Variants in SPON1 observed in about 807,000 individuals in gnomAD.
SPON1 encodes the protein spondin 1.
SPON1 carries 52 observed loss-of-function variants against 111.7 expected under a neutral mutation model. The observed-to-expected ratio is 0.47, with a 90% CI of 0.37 to 0.59. The LOEUF (loss-of-function observed/expected upper bound fraction) is 0.59. Ranked by LOEUF, SPON1 falls within the 20% of genes least tolerant of loss-of-function variation. SPON1 has a pLI of 0.00. For synonymous variants in SPON1, 410 were observed against 395.8 expected (o/e 1.04, Z -0.43); for missense variants, 957 against 1,068.5 (o/e 0.90, Z 1.46).
chr11:14,029,756 AG>A lies in SPON1; in HGVS notation c.346-11763del, dbSNP rs1425473224. On this transcript the variant is annotated intron_variant, in intron 2 of 15. Transcript: ENST00000576479. ...GGTTTTTCAGCCTTCAGGCTGTTTTAGGTTTAAATATGGAGTTTTGCTGGGG... is the reference window on the plus strand; with the variant it reads ...GGTTTTTCAGCCTTCAGGCTGTTTTAGTTTAAATATGGAGTTTTGCTGGGG... 5.9e-5 allele frequency among the ~76,000 whole-genome samples: 9 copies of A among 152,252 alleles called. No homozygotes were observed. In the East Asian group the frequency reaches 1.5e-3, roughly 26 times the overall value.
intron 1 of SPON1, among the ~76,000 whole-genome samples, chr11:13,963,940 C>A (rs1392770331): frequency 6.6e-6 from 1 of 152,206 alleles, no homozygotes; most frequent in East Asian, 1.9e-4. Context: ...GGAACCTTGG[C>A]TCCGGCAGCT....
intron 6 of SPON1, among the ~76,000 whole-genome samples, chr11:14,162,231 T>C (rs1241527107): frequency 6.6e-6 from 1 of 151,704 alleles, no homozygotes; most frequent in Admixed American, 6.6e-5. Flanking sequence ...CTAACCCATG[T>C]ATATTACACA....
intron 1 of SPON1, among the ~76,000 whole-genome samples, chr11:13,981,340 T>G (rs1848142620): frequency 6.6e-6 from 1 of 152,174 alleles, no homozygotes; most frequent in South Asian, 2.1e-4. Flanking sequence ...TTGTTTTTGT[T>G]TTTTGAGATG....
chr11:14,062,158 C>G (rs140833899), intron 3 of SPON1, among the ~76,000 whole-genome samples: 1 of 152,142 alleles, frequency 6.6e-6, no homozygotes, highest in Admixed American at 6.6e-5. Context: ...TTGACTGACA[C>G]TTATTTTTCC....
intron 5 of SPON1, among the ~76,000 whole-genome samples, chr11:14,113,286 C>T (rs1283560642): frequency 6.6e-6 from 1 of 152,214 alleles, no homozygotes; most frequent in Non-Finnish European, 1.5e-5. Flanking sequence ...TTCACCAGAG[C>T]TCCAGGGACA....
At chr11:14,142,619 G>A (rs1847669508) in intron 6 of SPON1, among the ~76,000 whole-genome samples, 2 of 152,198 alleles carry the variant, frequency 1.3e-5, no homozygotes, top group South Asian at 4.1e-4. Context: ...GCTCGCTGGA[G>A]CTAGTTCGAT....
At chr11:14,243,600 AATGGCTTTAATACCACAGCCAGATGTG>A (rs1554939958) in intron 7 of SPON1, among the ~76,000 whole-genome samples, 1 of 152,110 alleles carries the variant, frequency 6.6e-6, no homozygotes, top group East Asian at 1.9e-4. Context: ...GTTTTCCCCC[AATGGCTTTAATACCACAGCCAGATGTG>A]ATGGCTTTAA....
chr11:14,013,347 C>G (rs1285699138), intron 2 of SPON1, among the ~76,000 whole-genome samples: 1 of 152,116 alleles, frequency 6.6e-6, no homozygotes, highest in African/African-American at 2.4e-5. Flanking sequence ...TACTCCACTT[C>G]CATTTGGTCA....
At chr11:13,991,087 T>G (rs943529934) in intron 2 of SPON1, among the ~76,000 whole-genome samples, 1 of 152,256 alleles carries the variant, frequency 6.6e-6, no homozygotes, top group Admixed American at 6.5e-5. Flanking sequence ...CTTTGTGGTG[T>G]TCTCTGTATT....
intron 3 of SPON1, among the ~76,000 whole-genome samples, chr11:14,058,515 G>A (rs768635260): frequency 3.9e-5 from 6 of 152,052 alleles, no homozygotes; most frequent in South Asian, 4.2e-4. Flanking sequence ...GGGAAGCAGC[G>A]GAAACAGTGT....
At chr11:14,164,278 A>G (rs1280253963) in intron 6 of SPON1, among the ~76,000 whole-genome samples, 2 of 152,212 alleles carry the variant, frequency 1.3e-5, no homozygotes, top group African/African-American at 4.8e-5. Context: ...TGCATCTAAC[A>G]TGTATCCCAG....
intron 6 of SPON1, among the ~76,000 whole-genome samples, chr11:14,209,413 C>G (rs782437601): frequency 1.3e-5 from 2 of 152,006 alleles, no homozygotes; most frequent in African/African-American, 2.4e-5. Flanking sequence ...CCTCCCCTAG[C>G]CCCCCACACC....
intron 3 of SPON1, among the ~76,000 whole-genome samples, chr11:14,050,202 CTG>C (rs1848698152): frequency 6.6e-6 from 1 of 152,212 alleles, no homozygotes; most frequent in Non-Finnish European, 1.5e-5. Flanking sequence ...ATGTCTAACT[CTG>C]TATATTTCTA....
At chr11:14,088,150 T>C (rs1849021528) in intron 5 of SPON1, among the ~76,000 whole-genome samples, 1 of 152,230 alleles carries the variant, frequency 6.6e-6, no homozygotes, top group Admixed American at 6.5e-5. Flanking sequence ...AATATTGTTA[T>C]GTGTGAGTTT....
chr11:14,244,626 T>C (rs1848967657), intron 7 of SPON1, among the ~76,000 whole-genome samples: 1 of 151,848 alleles, frequency 6.6e-6, no homozygotes, highest in Admixed American at 6.6e-5. Flanking sequence ...CGCATGCCTG[T>C]AGTCCCACCT....
intron 2 of SPON1, among the ~76,000 whole-genome samples, chr11:14,037,092 A>G (rs1424315434): frequency 1.3e-5 from 2 of 152,096 alleles, no homozygotes; most frequent in African/African-American, 4.8e-5. Flanking sequence ...AGAGTTAAGT[A>G]AGGTCTCAGC....
chr11:14,211,412 A>C (rs574773638), intron 6 of SPON1, among the ~76,000 whole-genome samples: 4 of 152,286 alleles, frequency 2.6e-5, no homozygotes, highest in African/African-American at 4.8e-5. Flanking sequence ...ACCTAGGAAT[A>C]CAACTTACAA....
chr11:14,142,150 C>G (rs901230552), intron 6 of SPON1, among the ~76,000 whole-genome samples: 6 of 152,202 alleles, frequency 3.9e-5, no homozygotes, highest in Admixed American at 2.0e-4. Context: ...ACTAAGTGAG[C>G]TGATAAGTGT....
At chr11:14,263,727 A>C (rs1332066634) in intron 15 of SPON1, among the ~76,000 whole-genome samples, 1 of 152,158 alleles carries the variant, frequency 6.6e-6, no homozygotes, top group Non-Finnish European at 1.5e-5. Flanking sequence ...GGAGTTTGCC[A>C]CTTAGAAAAG....
Sources: allele counts gnomAD v4.1 joint callset (sites outside exome capture counted in the v4.1 genomes callset), GRCh38; gene constraint gnomAD v4.1.1; transcripts MANE v1.5; gene names NCBI Gene and HGNC (gene_info 2026-07-23, HGNC 2026-07-21).